DNAJC11: variants seen among roughly 807,000 people sequenced by gnomAD.
The protein encoded by DNAJC11 is DnaJ heat shock protein family (Hsp40) member C11.
In DNAJC11, 15 loss-of-function variants were observed where a neutral mutation model predicts 78.6. The observed-to-expected ratio is 0.19, with a 90% confidence interval of 0.13 to 0.29. DNAJC11 has a LOEUF of 0.29. Among genes scored for constraint, DNAJC11 ranks in the 10% least tolerant of loss-of-function variants. The probability of loss-of-function intolerance (pLI) is 1.00; values close to 1 mark genes in which losing one functional copy is unlikely to be tolerated. For synonymous variants in DNAJC11, 292 were observed against 272.1 expected (o/e 1.07, Z -0.72); for missense variants, 547 against 709.6 (o/e 0.77, Z 2.60).
intron 3 of DNAJC11, among the ~76,000 whole-genome samples, chr1:6,671,960 G>A (rs969094913): frequency 2.6e-5 from 4 of 152,042 alleles, no homozygotes; most frequent in African/African-American, 7.2e-5. Flanking sequence ...TCAGCCTCCC[G>A]AGTAGCTGGG....
chr1:6,690,721 G>A (rs1170747881), intron 1 of DNAJC11, among the ~76,000 whole-genome samples: 2 of 151,920 alleles, frequency 1.3e-5, no homozygotes. Flanking sequence ...TCAGGAGATC[G>A]AGACCATCCT....
intron 4 of DNAJC11, among the ~76,000 whole-genome samples, chr1:6,656,275 T>C: frequency 6.6e-6 from 1 of 152,124 alleles, no homozygotes; most frequent in Non-Finnish European, 1.5e-5. Flanking sequence ...TATCTTTATT[T>C]TGTGTAGGAA....
In DNAJC11 at chr1:6,644,376, C is replaced by T. The variant is rs187946375; in HGVS notation, c.1097+182G>A. On this transcript the variant is annotated intron_variant, in intron 10 of 15. Transcript: ENST00000377577. ...CTCAAACTCCTGACCTCAGGCGATC[C>T]GGCCGCCTTGGCCTCCTAAAGTGCT... Among the ~76,000 whole-genome samples the T allele has an allele frequency of 1.8e-4, 28 of 152,322 alleles. No individual in the cohort carries two copies. The East Asian group carries it at 4.4e-3, about 24-fold the overall frequency.
chr1:6,664,439 C>T (rs1197139785), intron 4 of DNAJC11, among the ~76,000 whole-genome samples: 2 of 152,044 alleles, frequency 1.3e-5, no homozygotes, highest in East Asian at 1.9e-4. Context: ...AGGGTTTCAC[C>T]GTGTTAGCCA....
intron 10 of DNAJC11, among the ~76,000 whole-genome samples, chr1:6,642,173 A>C (rs1433547346): frequency 6.6e-6 from 1 of 152,110 alleles, no homozygotes; most frequent in Non-Finnish European, 1.5e-5. Context: ...GAGGAGTACT[A>C]CATCACGGAG....
At chr1:6,697,021 G>A (rs1040157182) in intron 1 of DNAJC11, among the ~76,000 whole-genome samples, 3 of 152,220 alleles carry the variant, frequency 2.0e-5, no homozygotes, top group Non-Finnish European at 4.4e-5. Context: ...CTGATTTATA[G>A]TTAAGGAATC....
At chr1:6,644,520 A>G (rs755329167) in intron 10 of DNAJC11, 38 bp downstream of exon 10, 23 of 1,386,700 alleles carry the variant, frequency 1.7e-5, no homozygotes, top group Non-Finnish European at 1.7e-5. Context: ...TGAAGGTGAC[A>G]GGCATTCCTT....
At chr1:6,668,113 G>A in intron 3 of DNAJC11, 1 of 322,970 alleles carries the variant, frequency 3.1e-6, no homozygotes, top group East Asian at 5.3e-5. Context: ...AATCTTACAA[G>A]GAAAATGTCA....
rs757801172 is a variant in DNAJC11, at chr1:6,634,598, C to T, written c.*1077G>A. ...ACTGATGGCTGCCACTTCCAGGCCC[C>T]GAGAGACAGGCCTCACGTAACTTTA... On this transcript the variant is annotated 3_prime_UTR_variant, in exon 16 of 16. Transcript: ENST00000377577. 1.0e-5 allele frequency: 14 copies of T among 1,365,978 alleles called. No homozygotes were observed. Among genetic ancestry groups the T allele is most frequent in the South Asian group, 2.3e-5 (2 of 87,838 alleles). The allele number at this position is 1,365,978 out of a possible 1,614,324, so 84.6% of individuals were successfully genotyped here.
chr1:6,651,357 C>G (rs1642052330), intron 7 of DNAJC11, among the ~76,000 whole-genome samples, 172 bp downstream of exon 7: 1 of 152,224 alleles, frequency 6.6e-6, no homozygotes, highest in Non-Finnish European at 1.5e-5. Flanking sequence ...TGCCTCTTCC[C>G]ACCTGCACAC....
chr1:6,644,302 T>C (rs1192984466), intron 10 of DNAJC11, among the ~76,000 whole-genome samples: 1 of 152,056 alleles, frequency 6.6e-6, no homozygotes, highest in Non-Finnish European at 1.5e-5. Context: ...TCTGGCTAAT[T>C]TTTGTATTTT....
chr1:6,698,836 G>GA (rs1407156048), intron 1 of DNAJC11, among the ~76,000 whole-genome samples: 1 of 150,888 alleles, frequency 6.6e-6, no homozygotes, highest in African/African-American at 2.4e-5. Context: ...CAGCTACTCT[G>GA]GTGGCTGAGG....
intron 1 of DNAJC11, among the ~76,000 whole-genome samples, chr1:6,697,564 G>A (rs1354082387): frequency 1.3e-5 from 2 of 151,094 alleles, no homozygotes; most frequent in Admixed American, 6.6e-5. Context: ...TTGCTTGCCC[G>A]ATGCTAACCG....
At chr1:6,659,294 G>A (rs1447918329) in intron 4 of DNAJC11, among the ~76,000 whole-genome samples, 1 of 152,134 alleles carries the variant, frequency 6.6e-6, no homozygotes, top group Non-Finnish European at 1.5e-5. Context: ...CAGACACACT[G>A]GCCTCTTTGC....
chr1:6,681,987 T>G (rs1175858499), intron 1 of DNAJC11, among the ~76,000 whole-genome samples: 1 of 151,980 alleles, frequency 6.6e-6, no homozygotes, highest in Non-Finnish European at 1.5e-5. Flanking sequence ...TGAAGCACAT[T>G]TCTGGGTCAC....
At chr1:6,643,509 T>C (rs999892430) in intron 10 of DNAJC11, among the ~76,000 whole-genome samples, 1 of 152,024 alleles carries the variant, frequency 6.6e-6, no homozygotes, top group African/African-American at 2.4e-5. Context: ...TCTCCTGACC[T>C]CGTGATCTGC....
intron 7 of DNAJC11, among the ~76,000 whole-genome samples, chr1:6,647,253 T>C (rs1641980601): frequency 6.6e-6 from 1 of 151,826 alleles, no homozygotes; most frequent in Non-Finnish European, 1.5e-5. Context: ...GGTTAATATT[T>C]TGTATTTTTA....
At chr1:6,641,110 G>A (rs1347088649) in intron 10 of DNAJC11, among the ~76,000 whole-genome samples, 3 of 152,054 alleles carry the variant, frequency 2.0e-5, no homozygotes, top group African/African-American at 7.2e-5. Context: ...ACTTGGCCAG[G>A]CTCAGTGGCT....
intron 4 of DNAJC11, among the ~76,000 whole-genome samples, chr1:6,661,083 C>T (rs1313027003): frequency 2.0e-5 from 3 of 152,236 alleles, no homozygotes; most frequent in Non-Finnish European, 4.4e-5. Flanking sequence ...ATTTGATCCA[C>T]GCAGACACTG....
Sources: gnomAD v4.1 joint callset for allele counts (sites outside exome capture counted in the v4.1 genomes callset) on GRCh38, gnomAD v4.1.1 for gene constraint, MANE v1.5 for transcripts, NCBI Gene and HGNC (gene_info 2026-07-23, HGNC 2026-07-21) for gene names.